CEP120: variants seen among roughly 807,000 people sequenced by gnomAD.
The protein encoded by CEP120 is centrosomal protein of 120 kDa.
Under a neutral mutation model 126.5 loss-of-function variants are expected in CEP120, and 113 were observed. The ratio of observed to expected loss-of-function variants is 0.89; its 90% CI spans 0.77 to 1.04. The LOEUF is 1.04. Among genes scored for constraint, CEP120 ranks in the 50% least tolerant of loss-of-function variants. The pLI is 0.00. For missense variants in CEP120, 1,230 were observed against 1,155.7 expected (o/e 1.06, Z -0.93); for synonymous variants, 400 against 394.3 (o/e 1.01, Z -0.17).
At chr5:123,410,237 A>G (rs1333004281) in intron 4 of CEP120, among the ~76,000 whole-genome samples, 6 of 152,228 alleles carry the variant, frequency 3.9e-5, no homozygotes, top group Non-Finnish European at 7.3e-5. Flanking sequence ...TGTTCACAGA[A>G]GACTCAATAT....
intron 4 of CEP120, 71 bp downstream of exon 4, chr5:123,412,328 C>G (rs1774110445): frequency 2.0e-6 from 3 of 1,480,380 alleles, no homozygotes; most frequent in African/African-American, 1.4e-5. Flanking sequence ...CCCTATAACA[C>G]TCCCGCTTCC....
chr5:123,397,839 C>T lies in CEP120; in HGVS notation c.612+1297G>A, dbSNP rs112775057. Among the ~76,000 whole-genome samples, 929 of 152,244 alleles carry T rather than the reference C, an allele frequency of 6.1e-3. 8 individuals are homozygous for T. The highest frequency in any genetic ancestry group is 0.021 in the African/African-American group (866 of 41,552). ...TGGCTCACACCTGTAATCCCAGCACCTTGCGAGGCTGAGGTGGGATGATCA... is the reference window on the plus strand; with the variant it reads ...TGGCTCACACCTGTAATCCCAGCACTTTGCGAGGCTGAGGTGGGATGATCA... On this transcript the variant is annotated intron_variant, in intron 5 of 19. Coordinates refer to ENST00000306467, the MANE Select transcript of CEP120 (RefSeq NM_001375405.1).
chr5:123,401,197 C>A, intron 4 of CEP120: 1 of 1,612,730 alleles, frequency 6.2e-7, no homozygotes, highest in South Asian at 1.1e-5. Context: ...ATGTCCAGGG[C>A]CAGCCTGACG....
intron 17 of CEP120, among the ~76,000 whole-genome samples, chr5:123,367,108 TA>T (rs1770520713): frequency 6.6e-6 from 1 of 151,856 alleles, no homozygotes; most frequent in Admixed American, 6.6e-5. Context: ...GCTCTCTGAG[TA>T]ATCTCCCAAT....
At chr5:123,377,622 A>C in intron 15 of CEP120, 87 bp from the exon 16 acceptor site, 4 of 975,874 alleles carry the variant, frequency 4.1e-6, no homozygotes, top group Non-Finnish European at 5.9e-6. Flanking sequence ...ATACACTCAA[A>C]TGTTGAGGAT....
chr5:123,380,579 TGAGTTTTCACAGA>T (rs1393905957), intron 14 of CEP120, among the ~76,000 whole-genome samples: 1 of 152,100 alleles, frequency 6.6e-6, no homozygotes, highest in Non-Finnish European at 1.5e-5. Context: ...AATTACTTGG[TGAGTTTTCACAGA>T]AAGTTTAATT....
chr5:123,379,684 G>A (rs997378143), intron 14 of CEP120, among the ~76,000 whole-genome samples: 3 of 151,690 alleles, frequency 2.0e-5, no homozygotes, highest in Non-Finnish European at 2.9e-5. Context: ...ATGGATTTAC[G>A]AGATCATTTA....
chr5:123,412,965 A>G (rs1021023394), intron 3 of CEP120, among the ~76,000 whole-genome samples: 3 of 152,130 alleles, frequency 2.0e-5, no homozygotes, highest in Non-Finnish European at 4.4e-5. Context: ...CGTTCTGCTT[A>G]TATCAATAAG....
In CEP120 at chr5:123,387,784, C is replaced by T. The variant is rs530451878; in HGVS notation, c.1430+648G>A. ...ATTGTATTATATTTAATTTATATCTCGGGCACAAAAGACTATAAAAATGTA... is the reference window on the plus strand; with the variant it reads ...ATTGTATTATATTTAATTTATATCTTGGGCACAAAAGACTATAAAAATGTA... On this transcript the variant is annotated intron_variant, in intron 9 of 19. Transcript: ENST00000306467. Among the ~76,000 whole-genome samples the T allele has an allele frequency of 5.7e-4, 87 of 151,870 alleles. 1 individual carries two copies. In the South Asian group the frequency reaches 7.1e-3, roughly 12 times the overall value.
intron 1 of CEP120, among the ~76,000 whole-genome samples, chr5:123,420,813 G>A (rs747877726): frequency 6.6e-6 from 1 of 152,166 alleles, no homozygotes; most frequent in Non-Finnish European, 1.5e-5. Context: ...TCAAAAACTC[G>A]TATGTAGAAT....
chr5:123,401,451 C>G lies in CEP120; in HGVS notation c.464-2167G>C, dbSNP rs1368492594. On this transcript the variant is annotated intron_variant, in intron 4 of 19. Transcript: ENST00000306467. ...TTAGTCTTTGTGCACCGCAGGTTATCCCCATGCTTCCCAGCCAGACTCTGC... is the reference window on the plus strand; with the variant it reads ...TTAGTCTTTGTGCACCGCAGGTTATGCCCATGCTTCCCAGCCAGACTCTGC... 2.3e-6 allele frequency: 3 copies of G among 1,304,706 alleles called. No individual in the cohort carries two copies. The East Asian group carries it at 6.9e-5, about 30-fold the overall frequency. 80.8% of individuals were successfully genotyped at this position (1,304,706 alleles called of 1,614,324 possible).
At chr5:123,407,615 G>C (rs1773782124) in intron 4 of CEP120, among the ~76,000 whole-genome samples, 3 of 152,190 alleles carry the variant, frequency 2.0e-5, no homozygotes, top group South Asian at 2.1e-4. Context: ...AGGAGAAATA[G>C]TTGAATCCAA....
chr5:123,411,941 G>T (rs1010779166), intron 4 of CEP120, among the ~76,000 whole-genome samples: 9 of 152,262 alleles, frequency 5.9e-5, no homozygotes, highest in Admixed American at 2.0e-4. Flanking sequence ...GCAAGTATGT[G>T]GGGACAGGGA....
rs1297796530 is a variant in CEP120 at position 123,397,692 on chromosome 5, T to C, written c.612+1444A>G. Among the ~76,000 whole-genome samples the C allele has an allele frequency of 2.6e-5, 4 of 152,216 alleles. No individual in the cohort carries two copies. In the East Asian group the frequency reaches 7.7e-4, roughly 29 times the overall value. On this transcript the variant is annotated intron_variant, in intron 5 of 19. Coordinates refer to ENST00000306467, the MANE Select transcript of CEP120 (RefSeq NM_001375405.1). The stretch of plus-strand genomic sequence containing the variant: ...AAGTAAACACATTTCCTGATAAAAA[T>C]CTTTACCTGATGTACCTTGCAAGTC...
chr5:123,402,400 G>A (rs1167588630), intron 4 of CEP120: 16 of 1,290,036 alleles, frequency 1.2e-5, no homozygotes, highest in Middle Eastern at 2.1e-4. Flanking sequence ...TAGAAGGAGC[G>A]GAGAAGCTGC....
rs894868836 is a variant in CEP120, at chr5:123,407,117, A to AC, written c.463+5281_463+5282insG. Among the ~76,000 whole-genome samples, 127 of 151,350 alleles carry AC rather than the reference A, an allele frequency of 8.4e-4. 2 individuals carry two copies. In the East Asian group the frequency reaches 0.019, roughly 22 times the overall value. Reference sequence around the variant, plus strand: ...ACCACTAAAAAAGTAAAAAAAAAAAAAACAAAAAACAAAAAAGTATAACTG... The same window carrying AC: ...ACCACTAAAAAAGTAAAAAAAAAAAACAACAAAAAACAAAAAAGTATAACTG... On this transcript the variant is annotated intron_variant, in intron 4 of 19. Coordinates refer to ENST00000306467, the MANE Select transcript of CEP120 (RefSeq NM_001375405.1).
In CEP120 at chr5:123,378,317, C is replaced by A. The variant is rs765710211; in HGVS notation, c.2196+19G>T. ...AACCCCTCTATGCTGAAAAAAAATA[C>A]AATGGACGAATGACATACCTCTGAT... is the stretch of plus-strand genomic sequence containing the variant. On this transcript the variant is annotated intron_variant, in intron 15 of 19. Transcript: ENST00000306467. 1.3e-6 allele frequency: 2 copies of A among 1,563,318 alleles called. No homozygotes were observed. Among genetic ancestry groups the A allele is most frequent in the Non-Finnish European group, 1.7e-6 (2 of 1,153,368 alleles).
rs1317879903 is a variant in CEP120, at chr5:123,399,147, G to T, written c.601C>A (p.Gln201Lys). ...IMSVTIAFAT[Q>K]LEQLIPCTMK... ...ATGAAAAGTCTCACCTGTTCCAACT[G>T]GGTAGCAAATGCTATGGTCACTGAC... The change falls in exon 5 of 20, where the codon CAG (glutamine) becomes AAG (lysine). Residue 201 changes from glutamine to lysine, a missense_variant. Coordinates refer to ENST00000306467, the MANE Select transcript of CEP120 (RefSeq NM_001375405.1). 2 of 1,608,850 alleles carry T rather than the reference G, an allele frequency of 1.2e-6. No homozygotes were observed. Among genetic ancestry groups the T allele is most frequent in the East Asian group, 2.2e-5 (1 of 44,832 alleles).
chr5:123,421,972 T>C (rs1774745119), intron 1 of CEP120, among the ~76,000 whole-genome samples: 1 of 152,144 alleles, frequency 6.6e-6, no homozygotes. Flanking sequence ...GGGGAAAAAA[T>C]GCAGCCAGGC....
Sources: allele counts gnomAD v4.1 joint callset (sites outside exome capture counted in the v4.1 genomes callset), GRCh38; gene constraint gnomAD v4.1.1; transcripts MANE v1.5; gene names NCBI Gene and HGNC (gene_info 2026-07-23, HGNC 2026-07-21).